FKBP3: variants seen among roughly 807,000 people sequenced by gnomAD.
FKBP3 encodes FKBP prolyl isomerase 3.
Under a neutral mutation model 30.6 loss-of-function variants are expected in FKBP3, and 21 were observed. That is an observed-to-expected ratio of 0.69 (90% confidence interval 0.49 to 0.99). FKBP3 has a LOEUF of 0.99. FKBP3 is among the 50% of genes least tolerant of loss of function. The pLI is 0.00. For missense variants in FKBP3, 283 were observed against 261.6 expected (o/e 1.08, Z -0.56); for synonymous variants, 82 against 91.3 (o/e 0.90, Z 0.58).
chr14:45,130,674 G>T, intron 2 of FKBP3, 25 bp downstream of exon 2: 1 of 1,334,418 alleles, frequency 7.5e-7, no homozygotes, highest in Non-Finnish European at 1.0e-6. Context: ...GTGATGTTCT[G>T]CTAACAGAAT....
At position 45,116,151 on chromosome 14, in the gene FKBP3, A is replaced by G; in HGVS notation, c.*47T>C. ...AGTTGTGTAAATTTCTTCAAGGCCAAGTTTTATCATTGTTGCTAATATCCT... is the reference window on the plus strand; with the variant it reads ...AGTTGTGTAAATTTCTTCAAGGCCAGGTTTTATCATTGTTGCTAATATCCT... On this transcript the variant is annotated 3_prime_UTR_variant, in exon 7 of 7. Transcript: ENST00000396062. The G allele has an allele frequency of 1.4e-6, 2 of 1,392,174 alleles. No individual in the cohort carries two copies. Among genetic ancestry groups the G allele is most frequent in the Non-Finnish European group, 2.0e-6 (2 of 984,598 alleles). 86.2% of individuals were successfully genotyped at this position (1,392,174 alleles called of 1,614,324 possible). A position where few individuals can be genotyped will look rare whatever the true frequency, so the allele number is the denominator to read the frequency against.
At chr14:45,131,540 A>T (rs2139088757) in intron 1 of FKBP3, among the ~76,000 whole-genome samples, 2 of 150,234 alleles carry the variant, frequency 1.3e-5, no homozygotes, top group Admixed American at 1.3e-4. Flanking sequence ...GAAGCAGGAG[A>T]ATGGCGTGAA....
At chr14:45,120,855 T>TA in intron 5 of FKBP3, 32 bp downstream of exon 5, 2 of 1,543,706 alleles carry the variant, frequency 1.3e-6, no homozygotes, top group Non-Finnish European at 9.0e-7. Flanking sequence ...TATGCCAGAA[T>TA]ATCTACTGAT....
chr14:45,116,296 C>T, intron 6 of FKBP3, 44 bp from the exon 7 acceptor site: 1 of 1,431,452 alleles, frequency 7.0e-7, no homozygotes, highest in Non-Finnish European at 9.9e-7. Flanking sequence ...GTGCCTCTCC[C>T]CTACCCCCAT....
Position 45,116,081 on chromosome 14 carries a change from A to AT in FKBP3, c.*116dup. ...TAAACAAATTTTATTAACTCCTTGA[A>AT]TTTTCCAGTTGACTCTTCCTTTACA... is the stretch of plus-strand genomic sequence containing the variant. On this transcript the variant is annotated 3_prime_UTR_variant, in exon 7 of 7. Transcript: ENST00000396062. 1.4e-6 allele frequency: 1 copy of AT among 715,572 alleles called. No homozygotes were observed. Among genetic ancestry groups the AT allele is most frequent in the East Asian group, 2.5e-5 (1 of 39,962 alleles). The allele number at this position is 715,572 out of a possible 1,614,324, so 44.3% of individuals were successfully genotyped here. A position where few individuals can be genotyped will look rare whatever the true frequency, so the allele number is the denominator to read the frequency against.
chr14:45,132,535 T>G (rs1885240837), intron 1 of FKBP3, among the ~76,000 whole-genome samples: 1 of 151,884 alleles, frequency 6.6e-6, no homozygotes, highest in Admixed American at 6.6e-5. Flanking sequence ...ACAGCTGGGA[T>G]TAGAGGCGCC....
At chr14:45,129,138 T>C (rs148819973) in intron 3 of FKBP3, among the ~76,000 whole-genome samples, 388 of 152,342 alleles carry the variant, frequency 2.5e-3, no homozygotes, top group African/African-American at 8.8e-3. Flanking sequence ...CTCACCTCTT[T>C]ACAAGAACTA....
chr14:45,119,291 C>T (rs185711260), intron 5 of FKBP3, among the ~76,000 whole-genome samples: 20 of 152,122 alleles, frequency 1.3e-4, no homozygotes, highest in African/African-American at 3.9e-4. Context: ...GTAGACTAGC[C>T]GGGCAAGGTG....
intron 6 of FKBP3, among the ~76,000 whole-genome samples, chr14:45,116,766 G>T (rs1047630681): frequency 2.0e-5 from 3 of 152,046 alleles, no homozygotes; most frequent in Admixed American, 2.0e-4. Flanking sequence ...TGAGGCAGGA[G>T]AATTGCTTGA....
chr14:45,123,349 C>T (rs1885026437), intron 3 of FKBP3, among the ~76,000 whole-genome samples: 1 of 152,020 alleles, frequency 6.6e-6, no homozygotes, highest in Non-Finnish European at 1.5e-5. Flanking sequence ...TAGCTCAAGG[C>T]CTTATTCCTA....
intron 6 of FKBP3, among the ~76,000 whole-genome samples, chr14:45,117,125 C>T (rs529127533): frequency 6.6e-6 from 1 of 152,216 alleles, no homozygotes; most frequent in African/African-American, 2.4e-5. Context: ...GCCTGCAACA[C>T]CACGCCTGGC....
In FKBP3 at chr14:45,134,334, C is replaced by G; in HGVS notation, c.108+15G>C. ...CTCAGCCGCACCAGCCCGGCCGCCC[C>G]TACGCCTCTGGTACCGAATCTGAAC... On this transcript the variant is annotated intron_variant, in intron 1 of 6. Coordinates refer to ENST00000396062, the MANE Select transcript of FKBP3 (RefSeq NM_002013.4). 1.2e-6 allele frequency: 2 copies of G among 1,604,996 alleles called. No homozygotes were observed. Among genetic ancestry groups the G allele is most frequent in the Non-Finnish European group, 1.7e-6 (2 of 1,172,368 alleles).
intron 1 of FKBP3, chr14:45,133,541 A>T (rs1388002558): frequency 6.5e-6 from 1 of 155,038 alleles, no homozygotes; most frequent in East Asian, 1.9e-4. Context: ...TGTATAGAAA[A>T]CACAAGCAGG....
At chr14:45,133,340 G>T (rs1409914750) in intron 1 of FKBP3, 1 of 304,984 alleles carries the variant, frequency 3.3e-6, no homozygotes, top group South Asian at 2.3e-5. Context: ...GGTGGCACGC[G>T]CCTGTAGTCC....
chr14:45,130,239 T>C (rs182228529), intron 2 of FKBP3, among the ~76,000 whole-genome samples: 15 of 152,350 alleles, frequency 9.8e-5, no homozygotes. Context: ...ATTCATTTCA[T>C]AGTAAACAAA....
chr14:45,118,151 T>A (rs763526700), intron 5 of FKBP3, 26 bp from the exon 6 acceptor site: 1 of 1,493,954 alleles, frequency 6.7e-7, no homozygotes, highest in Non-Finnish European at 9.2e-7. Flanking sequence ...AAATAAAAAC[T>A]AATGGTATTT....
In FKBP3 at chr14:45,134,272, C is replaced by A; in HGVS notation, c.108+77G>T. 3.4e-6 allele frequency: 4 copies of A among 1,166,874 alleles called. No individual in the cohort carries two copies. The South Asian group carries it at 4.0e-5, about 12-fold the overall frequency. 72.3% of individuals were successfully genotyped at this position (1,166,874 alleles called of 1,614,324 possible). Reference sequence around the variant, plus strand: ...ACGAGGGCGGGGGCACAGAGGAATACGGAATGTATGGGCATCTCCAGGGGG... The same window carrying A: ...ACGAGGGCGGGGGCACAGAGGAATAAGGAATGTATGGGCATCTCCAGGGGG... On this transcript the variant is annotated intron_variant, in intron 1 of 6. Transcript: ENST00000396062.
At position 45,130,639 on chromosome 14, in the gene FKBP3, C is replaced by CT. The variant is rs1885192232; in HGVS notation, c.210+59dup. 8.6e-6 allele frequency: 9 copies of CT among 1,048,502 alleles called. No individual in the cohort carries two copies. The Admixed American group carries it at 1.7e-4, about 20-fold the overall frequency. 64.9% of individuals were successfully genotyped at this position (1,048,502 alleles called of 1,614,324 possible). On this transcript the variant is annotated intron_variant, in intron 2 of 6. Coordinates refer to ENST00000396062, the MANE Select transcript of FKBP3 (RefSeq NM_002013.4). ...CAACAAATCAATGCATTTTAAACAT[C>CT]TTTTTTGGAAATAAAATTTCAAAAG...
rs1487897466 is a variant in FKBP3, at chr14:45,118,021, A to G, written c.620+7T>C. The stretch of plus-strand genomic sequence containing the variant: ...CAACTTTAATTATGAAGGGGAAAAA[A>G]GGATACTTGGCATCAGGCTGTCCTT... On this transcript the variant is annotated splice_region_variant and intron_variant, in intron 6 of 6. Coordinates refer to ENST00000396062, the MANE Select transcript of FKBP3 (RefSeq NM_002013.4). The G allele has an allele frequency of 4.6e-5, 73 of 1,574,828 alleles. No homozygotes were observed. The highest frequency in any genetic ancestry group is 6.2e-5 in the Non-Finnish European group (72 of 1,160,530).
Sources: gnomAD v4.1 joint callset for allele counts (sites outside exome capture counted in the v4.1 genomes callset) on GRCh38, gnomAD v4.1.1 for gene constraint, MANE v1.5 for transcripts, NCBI Gene and HGNC (gene_info 2026-07-23, HGNC 2026-07-21) for gene names.